The following TDRD5 variants were observed in gnomAD, a reference collection of about 807,000 sequenced individuals.
The protein encoded by TDRD5 is tudor domain containing 5, also known as tudor domain-containing protein 5.
In TDRD5, 41 loss-of-function variants were observed where a neutral mutation model predicts 120.6. The observed-to-expected ratio is 0.34, with a 90% confidence interval of 0.26 to 0.44. TDRD5 has a LOEUF of 0.44. TDRD5 is among the 20% of genes least tolerant of loss of function. The probability of loss-of-function intolerance (pLI) is 1.00; values close to 1 mark genes in which losing one functional copy is unlikely to be tolerated. For missense variants in TDRD5, 1,006 were observed against 1,221.2 expected (o/e 0.82, Z 2.63); for synonymous variants, 430 against 433.7 (o/e 0.99, Z 0.11).
At chr1:179,682,698 T>C (rs1210438189) in intron 17 of TDRD5, among the ~76,000 whole-genome samples, 5 of 152,110 alleles carry the variant, frequency 3.3e-5, no homozygotes, top group African/African-American at 1.2e-4. Flanking sequence ...TTTTTTTTTT[T>C]CTTTCAGTGT....
intron 11 of TDRD5, among the ~76,000 whole-genome samples, chr1:179,647,097 CTACTT>C (rs1678417200): frequency 6.7e-6 from 1 of 149,696 alleles, no homozygotes; most frequent in South Asian, 2.1e-4. Context: ...TTGGAAAAAA[CTACTT>C]TAAAGTTCAT....
At chr1:179,597,259 C>T (rs1675441449) in intron 4 of TDRD5, among the ~76,000 whole-genome samples, 1 of 151,670 alleles carries the variant, frequency 6.6e-6, no homozygotes, top group Admixed American at 6.6e-5. Context: ...TTCCTTAATC[C>T]TGTCTGTTGT....
chr1:179,631,020 A>T lies in TDRD5; in HGVS notation c.1126+100A>T. On this transcript the variant is annotated intron_variant, in intron 7 of 17. Coordinates refer to ENST00000444136, the MANE Select transcript of TDRD5 (RefSeq NM_001199085.3). ...TGCCTAGCCATGAAATGTTTTATAA[A>T]ATGACCTCCTTTCTGGTGGTATTTG... 3.5e-6 allele frequency: 4 copies of T among 1,133,368 alleles called. No individual in the cohort carries two copies. The South Asian group carries it at 7.1e-5, about 20-fold the overall frequency. 70.2% of individuals were successfully genotyped at this position (1,133,368 alleles called of 1,614,324 possible). A position where few individuals can be genotyped will look rare whatever the true frequency, so the allele number is the denominator to read the frequency against.
chr1:179,618,609 CA>C lies in TDRD5; in HGVS notation c.843del (p.Phe282SerfsTer18). The part of the protein sequence containing the change: ...HTEKLNQLEN[T>X]FKSVIAQIGP... ...TTTCTTTTTTCATAGCTGGAGAACA[CA>C]TTCAAATCAGTTATTGCACAGATTG... On this transcript the variant is annotated frameshift_variant, in exon 5 of 18. Transcript: ENST00000444136. LOFTEE classifies it high-confidence loss of function. The C allele has an allele frequency of 6.3e-7, 1 of 1,588,194 alleles. No individual in the cohort carries two copies. Among genetic ancestry groups the C allele is most frequent in the Non-Finnish European group, 8.5e-7 (1 of 1,169,878 alleles).
At chr1:179,645,180 G>A (rs1298149013) in intron 11 of TDRD5, among the ~76,000 whole-genome samples, 1 of 146,830 alleles carries the variant, frequency 6.8e-6, no homozygotes, top group Non-Finnish European at 1.5e-5. Flanking sequence ...CCGCCTCCCG[G>A]GTTCACGCCA....
intron 17 of TDRD5, among the ~76,000 whole-genome samples, chr1:179,675,290 T>A (rs1292260025): frequency 3.5e-4 from 47 of 134,420 alleles, no homozygotes; most frequent in East Asian, 6.4e-4. Flanking sequence ...TTTTTTTTTT[T>A]TTTTTTTGAG....
At chr1:179,614,947 A>G (rs1676485330) in intron 4 of TDRD5, among the ~76,000 whole-genome samples, 1 of 152,142 alleles carries the variant, frequency 6.6e-6, no homozygotes, top group Non-Finnish European at 1.5e-5. Context: ...TGTTAAGTGT[A>G]GTCAACATGA....
chr1:179,655,556 C>G (rs1212520132), intron 14 of TDRD5, among the ~76,000 whole-genome samples: 1 of 152,124 alleles, frequency 6.6e-6, no homozygotes, highest in East Asian at 1.9e-4. Flanking sequence ...GGATGCAGAA[C>G]AGCTCCATCA....
chr1:179,592,573 C>T, intron 1 of TDRD5, 29 bp from the exon 2 acceptor site: 1 of 1,584,698 alleles, frequency 6.3e-7, no homozygotes, highest in South Asian at 1.1e-5. Context: ...GGTTTGCCCC[C>T]TTTTCCTCAG....
Position 179,654,952 on chromosome 1 carries a change from G to A in TDRD5, c.2322+590G>A, listed in dbSNP as rs565904127. Reference sequence around the variant, plus strand: ...AACTAGTATTGAGAAATTATATTACGAAAAACCCATTGGGAAAAATGTTTA... The same window carrying A: ...AACTAGTATTGAGAAATTATATTACAAAAAACCCATTGGGAAAAATGTTTA... On this transcript the variant is annotated intron_variant, in intron 14 of 17. Coordinates refer to ENST00000444136, the MANE Select transcript of TDRD5 (RefSeq NM_001199085.3). Among the ~76,000 whole-genome samples the A allele has an allele frequency of 5.3e-5, 8 of 152,160 alleles. No individual in the cohort carries two copies. The South Asian group carries it at 8.3e-4, about 16-fold the overall frequency.
At chr1:179,629,953 C>T (rs1026601325) in intron 6 of TDRD5, among the ~76,000 whole-genome samples, 2 of 151,292 alleles carry the variant, frequency 1.3e-5, no homozygotes, top group African/African-American at 4.9e-5. Flanking sequence ...GGAAATACAC[C>T]GATAGATAGC....
chr1:179,606,975 T>C (rs1320225213), intron 4 of TDRD5, among the ~76,000 whole-genome samples: 2 of 152,082 alleles, frequency 1.3e-5, no homozygotes, highest in African/African-American at 4.8e-5. Flanking sequence ...TTCACAAAAT[T>C]ACTTGCTGAG....
intron 17 of TDRD5, among the ~76,000 whole-genome samples, chr1:179,677,065 G>A (rs947736978): frequency 3.9e-5 from 6 of 151,932 alleles, no homozygotes; most frequent in Admixed American, 2.0e-4. Context: ...TTTTCTTTGT[G>A]TTTGATGGAT....
intron 17 of TDRD5, 89 bp from the exon 18 acceptor site, chr1:179,690,607 A>C: frequency 6.7e-7 from 1 of 1,503,548 alleles, no homozygotes; most frequent in Non-Finnish European, 8.9e-7. Context: ...TGATTGTAAC[A>C]CATATTAGTA....
chr1:179,651,081 G>A lies in TDRD5; in HGVS notation c.2001+14G>A. ...ATCTCTTCTAAGGTGGAGCAGTCTG[G>A]ATGTATTTTGTAATATATTTTGTTT... is the stretch of plus-strand genomic sequence containing the variant. On this transcript the variant is annotated intron_variant, in intron 12 of 17. Coordinates refer to ENST00000444136, the MANE Select transcript of TDRD5 (RefSeq NM_001199085.3). The A allele has an allele frequency of 6.2e-7, 1 of 1,612,792 alleles. No individual in the cohort carries two copies. Among genetic ancestry groups the A allele is most frequent in the East Asian group, 2.2e-5 (1 of 44,842 alleles).
chr1:179,637,092 C>T (rs1041010769), intron 9 of TDRD5, among the ~76,000 whole-genome samples: 2 of 152,176 alleles, frequency 1.3e-5, no homozygotes, highest in South Asian at 2.1e-4. Context: ...TCATGAACAA[C>T]AATGTCTGAT....
rs1264604069 is a variant in TDRD5 at position 179,618,071 on chromosome 1, C to T, written c.832-528C>T. Among the ~76,000 whole-genome samples the T allele has an allele frequency of 3.3e-5, 5 of 152,164 alleles. No individual in the cohort carries two copies. The East Asian group carries it at 9.6e-4, about 29-fold the overall frequency. ...ATGCAGGAGCTATCAGATTTTAACTCTCTGTACCTTCTGACTCCACATTCA... is the reference window on the plus strand; with the variant it reads ...ATGCAGGAGCTATCAGATTTTAACTTTCTGTACCTTCTGACTCCACATTCA... On this transcript the variant is annotated intron_variant, in intron 4 of 17. Coordinates refer to ENST00000444136, the MANE Select transcript of TDRD5 (RefSeq NM_001199085.3).
rs1314187510 is a variant in TDRD5, at chr1:179,597,480, A to T, written c.831+1662A>T. Among the ~76,000 whole-genome samples the T allele has an allele frequency of 4.0e-5, 6 of 151,424 alleles. No homozygotes were observed. The East Asian group carries it at 1.2e-3, about 29-fold the overall frequency. The stretch of plus-strand genomic sequence containing the variant: ...CTGAGTAGCTGGGATTACAGGCGTC[A>T]GCCACCACACCTGGCTAATTTTTGT... On this transcript the variant is annotated intron_variant, in intron 4 of 17. Coordinates refer to ENST00000444136, the MANE Select transcript of TDRD5 (RefSeq NM_001199085.3).
At chr1:179,680,696 G>C (rs1680374113) in intron 17 of TDRD5, among the ~76,000 whole-genome samples, 1 of 152,122 alleles carries the variant, frequency 6.6e-6, no homozygotes, top group Admixed American at 6.5e-5. Context: ...AGGTGCTGTG[G>C]CTCACGCCTG....
Sources: allele counts gnomAD v4.1 joint callset (sites outside exome capture counted in the v4.1 genomes callset), GRCh38; gene constraint gnomAD v4.1.1; transcripts MANE v1.5; gene names NCBI Gene and HGNC (gene_info 2026-07-23, HGNC 2026-07-21).